Variants in MRTFA observed in about 807,000 individuals in gnomAD.
The protein encoded by MRTFA is myocardin related transcription factor A, also known as myocardin-related transcription factor A.
MRTFA carries 20 observed loss-of-function variants against 83.5 expected under a neutral mutation model. That is an observed-to-expected ratio of 0.24 (90% confidence interval 0.17 to 0.35). MRTFA has a LOEUF of 0.35. MRTFA is among the 10% of genes least tolerant of loss of function. The pLI is 1.00. For synonymous variants in MRTFA, 659 were observed against 541.2 expected, an observed-to-expected ratio of 1.22 and a Z score of -3.02; for missense variants, 1,200 against 1,224.7, an observed-to-expected ratio of 0.98 and a Z score of 0.30.
At chr22:40,564,476 T>C (rs2055673615) in intron 2 of MRTFA, among the ~76,000 whole-genome samples, 1 of 152,182 alleles carries the variant, frequency 6.6e-6, no homozygotes, top group Non-Finnish European at 1.5e-5. Context: ...ACTCAGTTGA[T>C]AATTCATAAA....
intron 1 of MRTFA, among the ~76,000 whole-genome samples, chr22:40,604,862 T>A (rs1217078960): frequency 6.6e-6 from 1 of 152,276 alleles, no homozygotes; most frequent in East Asian, 1.9e-4. Context: ...GATGATACAG[T>A]GATAAACAGA....
rs533951330 is a variant in MRTFA, at chr22:40,609,932, C to T, written c.-83-15197G>A. Among the ~76,000 whole-genome samples, 52 of 152,020 alleles carry T rather than the reference C, an allele frequency of 3.4e-4. No individual in the cohort carries two copies. In the South Asian group the frequency reaches 0.01, roughly 30 times the overall value. On this transcript the variant is annotated intron_variant, in intron 1 of 14. Coordinates refer to ENST00000355630, the MANE Select transcript of MRTFA (RefSeq NM_020831.6). Reference sequence around the variant, plus strand: ...TTTAATATATTAATTCTAGCTTGAGCGTAAGTACAAACAGTTCTAATCAGA... The same window carrying T: ...TTTAATATATTAATTCTAGCTTGAGTGTAAGTACAAACAGTTCTAATCAGA...
chr22:40,434,324 C>T (rs2053125383), intron 5 of MRTFA, among the ~76,000 whole-genome samples: 1 of 151,440 alleles, frequency 6.6e-6, no homozygotes, highest in Non-Finnish European at 1.5e-5. Flanking sequence ...TCATTCTTTC[C>T]ACTTACTCTA....
intron 3 of MRTFA, among the ~76,000 whole-genome samples, chr22:40,492,620 T>TCC (rs1195582858): frequency 6.6e-6 from 1 of 152,142 alleles, no homozygotes; most frequent in African/African-American, 2.4e-5. Flanking sequence ...TCTCTTGCCC[T>TCC]CCCTCCCTTC....
intron 3 of MRTFA, among the ~76,000 whole-genome samples, chr22:40,510,559 T>G (rs987009406): frequency 6.6e-6 from 1 of 152,166 alleles, no homozygotes; most frequent in Non-Finnish European, 1.5e-5. Context: ...GTACAGTGCT[T>G]TACTTCTCAA....
At chr22:40,475,289 G>T (rs751383523) in intron 3 of MRTFA, among the ~76,000 whole-genome samples, 30 of 152,224 alleles carry the variant, frequency 2.0e-4, no homozygotes, top group Admixed American at 3.9e-4. Context: ...TGTAATCTCA[G>T]CATGCTGGGA....
chr22:40,615,225 C>T (rs1190288281), intron 1 of MRTFA, among the ~76,000 whole-genome samples: 4 of 152,142 alleles, frequency 2.6e-5, no homozygotes, highest in Non-Finnish European at 4.4e-5. Flanking sequence ...CCACTTGTTC[C>T]AGCAATAGCT....
chr22:40,599,683 G>C (rs898268868), intron 1 of MRTFA, among the ~76,000 whole-genome samples: 1 of 152,060 alleles, frequency 6.6e-6, no homozygotes, highest in Non-Finnish European at 1.5e-5. Context: ...CGGACTGCTT[G>C]AACCCAGGAG....
intron 14 of MRTFA, among the ~76,000 whole-genome samples, chr22:40,414,525 C>T (rs1367430318): frequency 6.6e-6 from 1 of 152,172 alleles, no homozygotes; most frequent in South Asian, 2.1e-4. Flanking sequence ...ATCCACACTA[C>T]AGGGTATGAT....
At chr22:40,582,095 G>A (rs557827827) in intron 2 of MRTFA, among the ~76,000 whole-genome samples, 1 of 152,264 alleles carries the variant, frequency 6.6e-6, no homozygotes, top group Admixed American at 6.5e-5. Flanking sequence ...CCAGCCCCCA[G>A]CAACTACTAA....
intron 14 of MRTFA, among the ~76,000 whole-genome samples, chr22:40,414,504 G>C (rs115119802): frequency 0.019 from 2,831 of 152,300 alleles, 94 homozygotes; most frequent in African/African-American, 0.066. Flanking sequence ...TGGATGAAGA[G>C]AATGTGGTGA....
chr22:40,506,163 G>C (rs939119527), intron 3 of MRTFA, among the ~76,000 whole-genome samples: 4 of 152,172 alleles, frequency 2.6e-5, no homozygotes, highest in African/African-American at 9.7e-5. Flanking sequence ...GAACCCGGGA[G>C]GCGGAGCTTG....
At position 40,499,914 on chromosome 22, in the gene MRTFA, CTTTTTTTTTTT is replaced by C. The variant is rs72041822; in HGVS notation, c.242-36639_242-36629del. Among the ~76,000 whole-genome samples the C allele has an allele frequency of 5.9e-5, 5 of 84,956 alleles. No homozygotes were observed. The East Asian group carries it at 2.2e-3, about 37-fold the overall frequency. The allele number at this position is 84,956 out of a possible 152,430, so 55.7% of individuals were successfully genotyped here. Reference sequence around the variant, plus strand: ...ACCTGGACAAGATTTTCAAGTAGACCTTTTTTTTTTTTTTTTTTTTTTTTTGAGACCGAGTC... The same window carrying C: ...ACCTGGACAAGATTTTCAAGTAGACCTTTTTTTTTTTTTTGAGACCGAGTC... On this transcript the variant is annotated intron_variant, in intron 3 of 14. Transcript: ENST00000355630.
intron 2 of MRTFA, among the ~76,000 whole-genome samples, chr22:40,583,181 T>A (rs989354798): frequency 6.6e-6 from 1 of 152,130 alleles, no homozygotes; most frequent in Admixed American, 6.6e-5. Context: ...TCCCAGTAAC[T>A]TGAAGGCAAA....
chr22:40,533,729 T>C, intron 3 of MRTFA: 8 of 631,450 alleles, frequency 1.3e-5, no homozygotes, highest in Non-Finnish European at 1.8e-5. Context: ...ACAAATTCAA[T>C]CTGATGCCTT....
chr22:40,529,088 T>C (rs1320673802), intron 3 of MRTFA, among the ~76,000 whole-genome samples: 2 of 152,144 alleles, frequency 1.3e-5, no homozygotes, highest in Non-Finnish European at 2.9e-5. Flanking sequence ...CCTTAAAGAA[T>C]TAACATACTA....
rs142278087 is a variant in MRTFA, at chr22:40,463,201, TGAGA to T, written c.307+16_307+19del. 6,117 of 1,609,974 alleles carry T rather than the reference TGAGA, an allele frequency of 3.8e-3. 195 individuals are homozygous for T. The African/African-American group carries it at 0.068, about 18-fold the overall frequency. ...GTCCTAAAAGCAATCTACCAAATGC[TGAGA>T]GAGAGAGGCACTTACGCGGCATGAT... On this transcript the variant is annotated intron_variant, in intron 4 of 14. Transcript: ENST00000355630.
chr22:40,541,438 T>TA (rs1204284503), intron 3 of MRTFA, among the ~76,000 whole-genome samples: 1 of 152,118 alleles, frequency 6.6e-6, no homozygotes, highest in Non-Finnish European at 1.5e-5. Context: ...TCCAACCACT[T>TA]AAGACTTTCC....
At chr22:40,512,141 G>A (rs920824229) in intron 3 of MRTFA, among the ~76,000 whole-genome samples, 2 of 152,118 alleles carry the variant, frequency 1.3e-5, no homozygotes, top group Non-Finnish European at 1.5e-5. Context: ...GGAAAATAAG[G>A]CCAAGTACCA....
Sources: allele counts gnomAD v4.1 joint callset (sites outside exome capture counted in the v4.1 genomes callset), GRCh38; gene constraint gnomAD v4.1.1; transcripts MANE v1.5; gene names NCBI Gene and HGNC (gene_info 2026-07-23, HGNC 2026-07-21).